The following MAP4 variants were observed in gnomAD, a reference collection of about 807,000 sequenced individuals.
MAP4 encodes microtubule-associated protein 4.
Under a neutral mutation model 170.2 loss-of-function variants are expected in MAP4, and 76 were observed. The observed-to-expected ratio is 0.45, with a 90% CI of 0.37 to 0.54. MAP4 has a LOEUF of 0.54. MAP4 is among the 20% of genes least tolerant of loss of function. MAP4 has a pLI of 0.00. For synonymous variants in MAP4, 909 were observed against 994.5 expected, an observed-to-expected ratio of 0.91 and a Z score of 1.62; for missense variants, 2,506 against 2,748.0, an observed-to-expected ratio of 0.91 and a Z score of 1.97.
intron 2 of MAP4, among the ~76,000 whole-genome samples, chr3:47,995,410 CT>C (rs1210987145): frequency 6.6e-6 from 1 of 152,014 alleles, no homozygotes; most frequent in East Asian, 1.9e-4. Context: ...ACCATTACCC[CT>C]GGCTAATTTT....
In MAP4 at chr3:47,912,676, T is replaced by C. The variant is rs1399018582; in HGVS notation, c.2000-255A>G. Among the ~76,000 whole-genome samples, 3 of 152,212 alleles carry C rather than the reference T, an allele frequency of 2.0e-5. No homozygotes were observed. The East Asian group carries it at 5.8e-4, about 29-fold the overall frequency. ...ATTGTTTTCAAACATTTATAAAATA[T>C]TTGAAATTTCAGAAGTAGCAGGATT... On this transcript the variant is annotated intron_variant, in intron 8 of 20. Transcript: ENST00000683076.
At chr3:48,012,993 CCA>C (rs1490126315) in intron 1 of MAP4, among the ~76,000 whole-genome samples, 16 of 151,916 alleles carry the variant, frequency 1.1e-4, no homozygotes, top group South Asian at 2.1e-4. Flanking sequence ...CCAGAAATCC[CCA>C]GTTTTCAATA....
chr3:48,088,001 T>C (rs1410152402), intron 1 of MAP4, among the ~76,000 whole-genome samples: 1 of 152,032 alleles, frequency 6.6e-6, no homozygotes, highest in Non-Finnish European at 1.5e-5. Flanking sequence ...AAGCAGCAAA[T>C]GCATTTAATT....
chr3:47,949,491 AAT>A (rs2154085703), intron 3 of MAP4, among the ~76,000 whole-genome samples: 1 of 144,820 alleles, frequency 6.9e-6, no homozygotes, highest in Admixed American at 7.0e-5. Flanking sequence ...AAAAAAAAAG[AAT>A]CACCACCCAT....
chr3:48,040,842 T>C (rs2100121281), intron 1 of MAP4, among the ~76,000 whole-genome samples: 1 of 152,004 alleles, frequency 6.6e-6, no homozygotes, highest in Non-Finnish European at 1.5e-5. Flanking sequence ...ATTAAAGGCG[T>C]GCGTGCGCCA....
At chr3:47,934,232 A>G (rs1208716302) in intron 3 of MAP4, among the ~76,000 whole-genome samples, 1 of 152,186 alleles carries the variant, frequency 6.6e-6, no homozygotes, top group African/African-American at 2.4e-5. Flanking sequence ...TAAAAAAGTG[A>G]TTAGGGTTTT....
At chr3:48,011,787 T>C (rs752457761) in intron 1 of MAP4, among the ~76,000 whole-genome samples, 2 of 152,174 alleles carry the variant, frequency 1.3e-5, no homozygotes, top group Admixed American at 6.5e-5. Context: ...AACTATTCAG[T>C]TGCTTTTACT....
upstream of MAP4, among the ~76,000 whole-genome samples, chr3:48,016,945 A>AT (rs1276253464): frequency 1.3e-5 from 2 of 151,658 alleles, no homozygotes; most frequent in East Asian, 3.9e-4. Flanking sequence ...TGCCTGGCTA[A>AT]TTTTTGTATC....
upstream of MAP4, among the ~76,000 whole-genome samples, chr3:48,018,674 G>A (rs960199783): frequency 6.6e-6 from 1 of 152,050 alleles, no homozygotes; most frequent in African/African-American, 2.4e-5. Context: ...GTGGTGGTGT[G>A]CACCTGTAGT....
Position 47,852,682 on chromosome 3 carries a change from G to A in MAP4, c.*252C>T, listed in dbSNP as rs1268381320. On this transcript the variant is annotated 3_prime_UTR_variant, in exon 21 of 21. Transcript: ENST00000683076. ...CAAAGCAGGGAGATGGGCCCAGGCT[G>A]GGGAGTGAGAGGAGGTGTGGGGCAG... is the stretch of plus-strand genomic sequence containing the variant. 7.9e-6 allele frequency: 11 copies of A among 1,392,492 alleles called. No individual in the cohort carries two copies. The highest frequency in any genetic ancestry group is 1.1e-5 in the Non-Finnish European group (11 of 1,041,718). The allele number at this position is 1,392,492 out of a possible 1,614,324, so 86.3% of individuals were successfully genotyped here. A position where few individuals can be genotyped will look rare whatever the true frequency, so the allele number is the denominator to read the frequency against.
At chr3:47,952,951 A>C (rs565347881) in intron 3 of MAP4, among the ~76,000 whole-genome samples, 1 of 152,124 alleles carries the variant, frequency 6.6e-6, no homozygotes, top group Non-Finnish European at 1.5e-5. Flanking sequence ...CAAAAAAAAA[A>C]TTGGTTTGTG....
intron 2 of MAP4, among the ~76,000 whole-genome samples, chr3:47,989,507 T>G (rs2154338265): frequency 6.6e-6 from 1 of 152,312 alleles, no homozygotes; most frequent in Middle Eastern, 3.4e-3. Context: ...AACTGTAAAT[T>G]TATCTATCAA....
intron 1 of MAP4, among the ~76,000 whole-genome samples, chr3:48,044,223 C>T (rs1168438692): frequency 1.3e-5 from 2 of 150,678 alleles, no homozygotes; most frequent in African/African-American, 2.4e-5. Flanking sequence ...GGCGCAATCT[C>T]GGTTCACTGT....
chr3:47,977,978 T>C (rs764639112), intron 2 of MAP4, 45 bp from the exon 3 acceptor site: 6 of 1,271,136 alleles, frequency 4.7e-6, no homozygotes, highest in Non-Finnish European at 6.9e-6. Flanking sequence ...GACAGAAAAA[T>C]GAAAAACAGA....
At position 47,910,935 on chromosome 3, in the gene MAP4, A is replaced by G; in HGVS notation, c.3486T>C (p.Ser1162=). The G allele has an allele frequency of 6.5e-7, 1 of 1,536,128 alleles. No individual in the cohort carries two copies. Among genetic ancestry groups the G allele is most frequent in the Non-Finnish European group, 8.7e-7 (1 of 1,146,916 alleles). ...CAGAAGTCTGAGTCATGCCTGATCC[A>G]CTTTCCAAAGGAATCAATGCCTGCA... is the stretch of plus-strand genomic sequence containing the variant. ...GTMQALIPLE[S]GSGMTQTSGV... is the part of the protein sequence containing the mutation. Residue 1162 remains serine (S), a synonymous_variant, in exon 9 of 21, where the codon AGT becomes AGC. Transcript: ENST00000683076.
intron 1 of MAP4, among the ~76,000 whole-genome samples, chr3:48,027,196 T>C (rs926121569): frequency 6.6e-6 from 1 of 152,170 alleles, no homozygotes; most frequent in Admixed American, 6.5e-5. Context: ...CTCAAGTAAA[T>C]ACATGTATGA....
chr3:47,869,390 A>T, intron 15 of MAP4, 63 bp from the exon 16 acceptor site: 1 of 1,131,900 alleles, frequency 8.8e-7, no homozygotes, highest in Non-Finnish European at 1.3e-6. Flanking sequence ...AAAGCCAAGA[A>T]GGGAAGAAGG....
At chr3:47,945,425 C>T (rs1292762644) in intron 3 of MAP4, among the ~76,000 whole-genome samples, 2 of 152,094 alleles carry the variant, frequency 1.3e-5, no homozygotes, top group Admixed American at 1.3e-4. Flanking sequence ...AGATACGGTT[C>T]CTCCATTCTC....
Position 47,877,533 on chromosome 3 carries a change from G to C in MAP4, c.5435-10C>G. 1 of 1,581,074 alleles carries C rather than the reference G, an allele frequency of 6.3e-7. No homozygotes were observed. Among genetic ancestry groups the C allele is most frequent in the Non-Finnish European group, 8.7e-7 (1 of 1,153,028 alleles). ...TCTGGCCTGGCTATTCCTAAGGGGA[G>C]AGGGTGAGTGGGAATTATGCTAAGC... On this transcript the variant is annotated splice_polypyrimidine_tract_variant and intron_variant, in intron 10 of 20. Coordinates refer to ENST00000683076, the MANE Select transcript of MAP4 (RefSeq NM_001385682.1).
Sources: allele counts gnomAD v4.1 joint callset (sites outside exome capture counted in the v4.1 genomes callset), GRCh38; gene constraint gnomAD v4.1.1; transcripts MANE v1.5; gene names NCBI Gene and HGNC (gene_info 2026-07-23, HGNC 2026-07-21).